Variants in NSMAF observed in about 807,000 individuals in gnomAD.
NSMAF encodes neutral sphingomyelinase activation associated factor.
NSMAF carries 90 observed loss-of-function variants against 134.9 expected under a neutral mutation model. The observed-to-expected ratio is 0.67, with a 90% CI of 0.56 to 0.79. The LOEUF is 0.79. Ranked by LOEUF, NSMAF falls within the 30% of genes least tolerant of loss-of-function variation. The pLI is 0.00. For missense variants in NSMAF, 1,010 were observed against 1,119.0 expected (o/e 0.90, Z 1.39); for synonymous variants, 358 against 389.6 (o/e 0.92, Z 0.96).
At chr8:58,620,852 G>A (rs1011909307) in intron 9 of NSMAF, among the ~76,000 whole-genome samples, 1 of 152,178 alleles carries the variant, frequency 6.6e-6, no homozygotes, top group African/African-American at 2.4e-5. Flanking sequence ...GTAAAATGGA[G>A]AGAATCCATT....
chr8:58,655,276 A>G (rs1807677346), intron 1 of NSMAF, among the ~76,000 whole-genome samples: 1 of 152,218 alleles, frequency 6.6e-6, no homozygotes, highest in South Asian at 2.1e-4. Flanking sequence ...CTAGGCAAGT[A>G]TCTAAACTTC....
At chr8:58,607,883 A>G in intron 10 of NSMAF, 43 bp from the exon 11 acceptor site, 4 of 1,509,704 alleles carry the variant, frequency 2.6e-6, no homozygotes, top group Non-Finnish European at 3.7e-6. Flanking sequence ...TTGTTCTGAC[A>G]CAATTAGAAG....
intron 1 of NSMAF, among the ~76,000 whole-genome samples, chr8:58,650,029 TA>T (rs1287302955): frequency 1.3e-5 from 2 of 152,212 alleles, no homozygotes; most frequent in Non-Finnish European, 2.9e-5. Context: ...ATCATTGAAA[TA>T]ATTCTGTGGT....
In NSMAF at chr8:58,599,331, C is replaced by T. The variant is rs1279984274; in HGVS notation, c.1486G>A (p.Ala496Thr). Residue 496 changes from alanine to threonine, a missense_variant, in exon 19 of 31, where the codon GCA becomes ACA. Transcript: ENST00000038176. ...PEDFLQKSKD[A>T]LESNYVSEHL... ...TCAGACACATAATTGCTTTCCAATG[C>T]ATCTTTGCTCTTCTGGAGAAAGTCC... 1 of 1,614,080 alleles carries T rather than the reference C, an allele frequency of 6.2e-7. No homozygotes were observed. Among genetic ancestry groups the T allele is most frequent in the South Asian group, 1.1e-5 (1 of 91,074 alleles).
chr8:58,644,961 G>A (rs919648648), intron 1 of NSMAF, among the ~76,000 whole-genome samples: 2 of 152,078 alleles, frequency 1.3e-5, no homozygotes, highest in Non-Finnish European at 2.9e-5. Flanking sequence ...GGGACCTGTT[G>A]GCGGGGTGGG....
intron 7 of NSMAF, 49 bp downstream of exon 7, chr8:58,623,660 C>T (rs1002293501): frequency 6.7e-7 from 1 of 1,489,898 alleles, no homozygotes; most frequent in Non-Finnish European, 9.3e-7. Context: ...TTTATAAAAA[C>T]AGTTTTTGCC....
chr8:58,598,645 A>C (rs1048760561), intron 19 of NSMAF, among the ~76,000 whole-genome samples: 5 of 152,226 alleles, frequency 3.3e-5, no homozygotes, highest in Non-Finnish European at 7.3e-5. Flanking sequence ...TAAAATTAGA[A>C]GACTTTATAA....
chr8:58,609,558 A>G, intron 10 of NSMAF, 46 bp downstream of exon 10: 1 of 1,608,448 alleles, frequency 6.2e-7, no homozygotes, highest in Non-Finnish European at 8.5e-7. Context: ...GTCTGGAAAC[A>G]GCTTAAACAT....
At chr8:58,658,219 G>C (rs1348373421) in intron 1 of NSMAF, among the ~76,000 whole-genome samples, 1 of 152,136 alleles carries the variant, frequency 6.6e-6, no homozygotes, top group East Asian at 1.9e-4. Flanking sequence ...CTCCACTCAA[G>C]CTCTTTCCAC....
Position 58,589,490 on chromosome 8 carries a change from T to C in NSMAF, c.2173A>G (p.Asn725Asp). 2 of 1,561,224 alleles carry C rather than the reference T, an allele frequency of 1.3e-6. No homozygotes were observed. Among genetic ancestry groups the C allele is most frequent in the Non-Finnish European group, 1.7e-6 (2 of 1,162,624 alleles). Reference sequence around the variant, plus strand: ...TCCCACGATGCAGAATATAGCCTGTTGTCATGCCAACAGATCTTACTAACA... The same window carrying C: ...TCCCACGATGCAGAATATAGCCTGTCGTCATGCCAACAGATCTTACTAACA... ...DAVSKICWHDNRLYSASWDST... is the reference protein window; with the variant it reads ...DAVSKICWHDDRLYSASWDST... Residue 725 changes from asparagine to aspartate, a missense_variant, in exon 26 of 31, where the codon AAC (asparagine) becomes GAC (aspartate). Coordinates refer to ENST00000038176, the MANE Select transcript of NSMAF (RefSeq NM_003580.4).
chr8:58,615,541 A>C (rs1390804539), intron 9 of NSMAF, among the ~76,000 whole-genome samples: 2 of 152,246 alleles, frequency 1.3e-5, no homozygotes, highest in Non-Finnish European at 2.9e-5. Context: ...TCTACTAAAA[A>C]TTTCCAAATA....
At chr8:58,621,589 T>C (rs1030278083) in intron 9 of NSMAF, among the ~76,000 whole-genome samples, 14 of 152,320 alleles carry the variant, frequency 9.2e-5, no homozygotes, top group African/African-American at 3.1e-4. Flanking sequence ...GGTACAAGCA[T>C]TCCCTTTTCT....
At chr8:58,648,973 G>T (rs1807522386) in intron 1 of NSMAF, among the ~76,000 whole-genome samples, 1 of 152,218 alleles carries the variant, frequency 6.6e-6, no homozygotes, top group African/African-American at 2.4e-5. Context: ...ATGAGAAGGG[G>T]GCCACCTGCC....
intron 1 of NSMAF, among the ~76,000 whole-genome samples, chr8:58,655,059 G>A (rs1192934818): frequency 6.6e-6 from 1 of 151,572 alleles, no homozygotes; most frequent in African/African-American, 2.4e-5. Flanking sequence ...GGCTGGTCTC[G>A]AACTCCTGAC....
At chr8:58,630,861 G>A (rs555973327) in intron 6 of NSMAF, among the ~76,000 whole-genome samples, 2 of 152,278 alleles carry the variant, frequency 1.3e-5, no homozygotes, top group Non-Finnish European at 2.9e-5. Context: ...GCCCACAAAT[G>A]GTGGCTTTTC....
At position 58,595,608 on chromosome 8, in the gene NSMAF, T is replaced by C. The variant is rs374888160; in HGVS notation, c.1844A>G (p.Asn615Ser). 9.3e-6 allele frequency: 15 copies of C among 1,614,026 alleles called. No homozygotes were observed. The highest frequency in any genetic ancestry group is 5.3e-5 in the African/African-American group (4 of 74,932). ...GTGTAACTGCAGTTTGGTGATGTTA[T>C]TCCAGGCCAGTGTTTTGCTTTCTTC... ...LTEESKTLAW[N>S]NITKLQLHEH... The change falls in exon 22 of 31, where the codon AAT becomes AGT. Residue 615 changes from asparagine (N) to serine (S), a missense_variant. By Grantham distance (46) the Asn-to-Ser change is conservative. Coordinates refer to ENST00000038176, the MANE Select transcript of NSMAF (RefSeq NM_003580.4).
Position 58,584,018 on chromosome 8 carries a change from C to T in NSMAF, c.*88G>A. ...ATGTGGTAAAACTTCTAATTACTAA[C>T]ATTGCACATTCACCAGTCCGTTTAA... On this transcript the variant is annotated 3_prime_UTR_variant, in exon 31 of 31. Coordinates refer to ENST00000038176, the MANE Select transcript of NSMAF (RefSeq NM_003580.4). The T allele has an allele frequency of 9.9e-7, 1 of 1,011,304 alleles. No individual in the cohort carries two copies. Among genetic ancestry groups the T allele is most frequent in the Non-Finnish European group, 1.6e-6 (1 of 640,046 alleles). 62.6% of individuals were successfully genotyped at this position (1,011,304 alleles called of 1,614,324 possible). A position where few individuals can be genotyped will look rare whatever the true frequency, so the allele number is the denominator to read the frequency against.
rs1796784407 is a variant in NSMAF at position 58,595,615 on chromosome 8, C to T, written c.1837G>A (p.Ala613Thr). 6.2e-7 allele frequency: 1 copy of T among 1,614,028 alleles called. No homozygotes were observed. The highest frequency in any genetic ancestry group is 8.5e-7 in the Non-Finnish European group (1 of 1,179,956). ...TGCAGTTTGGTGATGTTATTCCAGG[C>T]CAGTGTTTTGCTTTCTTCGGTCAGG... ...EDLTEESKTL[A>T]WNNITKLQLH... is the part of the protein sequence containing the mutation. Residue 613 changes from alanine to threonine, a missense_variant, in exon 22 of 31, where the codon GCC becomes ACC. Physicochemically the swap from Ala to Thr is moderately conservative, Grantham distance 58. Transcript: ENST00000038176.
rs892465171 is a variant in NSMAF at position 58,585,597 on chromosome 8, G to A, written c.2659+55C>T. 105 of 1,284,132 alleles carry A rather than the reference G, an allele frequency of 8.2e-5. No individual in the cohort carries two copies. The Admixed American group carries it at 1.8e-3, about 22-fold the overall frequency. 79.5% of individuals were successfully genotyped at this position (1,284,132 alleles called of 1,614,324 possible). On this transcript the variant is annotated intron_variant, in intron 30 of 30. Coordinates refer to ENST00000038176, the MANE Select transcript of NSMAF (RefSeq NM_003580.4). ...GTATGTTCCCTGATGGAAAAGGCAGGCTTGAGTTCATTATCTTGAGAACAA... is the reference window on the plus strand; with the variant it reads ...GTATGTTCCCTGATGGAAAAGGCAGACTTGAGTTCATTATCTTGAGAACAA...
Sources: allele counts gnomAD v4.1 joint callset (sites outside exome capture counted in the v4.1 genomes callset), GRCh38; gene constraint gnomAD v4.1.1; transcripts MANE v1.5; gene names NCBI Gene and HGNC (gene_info 2026-07-23, HGNC 2026-07-21).